The following ARID4B variants were observed in gnomAD, a reference collection of about 807,000 sequenced individuals.
ARID4B encodes AT-rich interactive domain-containing protein 4B.
A neutral mutation model predicts 147.5 loss-of-function variants in ARID4B; 26 were observed. The observed-to-expected ratio is 0.18, with a 90% confidence interval of 0.13 to 0.24. The LOEUF is 0.24. ARID4B is among the 10% of genes least tolerant of loss of function. The pLI, the probability that ARID4B is intolerant of heterozygous loss-of-function variation, is 1.00. For missense variants in ARID4B, 1,179 were observed against 1,511.5 expected (o/e 0.78, Z 3.65); for synonymous variants, 512 against 507.9 (o/e 1.01, Z -0.11).
intron 6 of ARID4B, among the ~76,000 whole-genome samples, chr1:235,251,639 ATAAGTAATATTAAAG>A (rs913421841): frequency 1.8e-4 from 27 of 151,756 alleles, no homozygotes; most frequent in South Asian, 4.2e-4. Flanking sequence ...ACACTACTAA[ATAAGTAATATTAAAG>A]TAATATTAAA....
chr1:235,264,200 T>A (rs1414296412), intron 2 of ARID4B, among the ~76,000 whole-genome samples: 2 of 152,188 alleles, frequency 1.3e-5, no homozygotes, highest in Non-Finnish European at 2.9e-5. Flanking sequence ...AGCACAATAA[T>A]TTGAATCTTA....
At chr1:235,304,358 AAAAAG>A (rs774939442) in intron 2 of ARID4B, among the ~76,000 whole-genome samples, 68 of 152,122 alleles carry the variant, frequency 4.5e-4, no homozygotes, top group Admixed American at 1.5e-3. Flanking sequence ...GAAAATAAAA[AAAAAG>A]AAAAGAAATG....
chr1:235,206,138 A>G (rs972464676), intron 17 of ARID4B, among the ~76,000 whole-genome samples: 2 of 152,240 alleles, frequency 1.3e-5, no homozygotes, highest in Non-Finnish European at 2.9e-5. Flanking sequence ...TTAGTTCAAC[A>G]TTCATTTAGT....
chr1:235,290,369 G>C (rs1203481815), intron 2 of ARID4B, among the ~76,000 whole-genome samples: 1 of 151,772 alleles, frequency 6.6e-6, no homozygotes, highest in South Asian at 2.1e-4. Context: ...CTTGAACCAG[G>C]GAGGCAGAGG....
chr1:235,171,879 C>T (rs766022887), intron 23 of ARID4B, among the ~76,000 whole-genome samples: 3 of 152,122 alleles, frequency 2.0e-5, no homozygotes, highest in Non-Finnish European at 2.9e-5. Flanking sequence ...TGACCTCAGG[C>T]AATCCACCCA....
intron 8 of ARID4B, among the ~76,000 whole-genome samples, chr1:235,235,855 G>A (rs555891834): frequency 5.3e-5 from 8 of 152,108 alleles, no homozygotes; most frequent in Non-Finnish European, 8.8e-5. Flanking sequence ...ATATTAATAA[G>A]CTCAGCACAG....
chr1:235,256,212 A>G (rs946015409), intron 4 of ARID4B, among the ~76,000 whole-genome samples: 2 of 151,068 alleles, frequency 1.3e-5, no homozygotes, highest in African/African-American at 4.9e-5. Context: ...TTTACCGATC[A>G]ATATTTTTGT....
At chr1:235,308,563 G>A (rs1022427126) in intron 2 of ARID4B, among the ~76,000 whole-genome samples, 3 of 151,248 alleles carry the variant, frequency 2.0e-5, no homozygotes, top group African/African-American at 7.3e-5. Context: ...TCAGCTCACT[G>A]CAACCTCCCT....
rs1326009421 is a variant in ARID4B at position 235,252,824 on chromosome 1, A to G, written c.275-15T>C. ...GTCATCAAAAACTATGAGAGGGGGTAAAAATGGAAGCTACTGAAGGATTTT... is the reference window on the plus strand; with the variant it reads ...GTCATCAAAAACTATGAGAGGGGGTGAAAATGGAAGCTACTGAAGGATTTT... On this transcript the variant is annotated splice_polypyrimidine_tract_variant and intron_variant, in intron 5 of 23. Coordinates refer to ENST00000264183, the MANE Select transcript of ARID4B (RefSeq NM_016374.6). 2 of 1,604,008 alleles carry G rather than the reference A, an allele frequency of 1.2e-6. No homozygotes were observed. Among genetic ancestry groups the G allele is most frequent in the African/African-American group, 2.7e-5 (2 of 74,466 alleles).
intron 2 of ARID4B, among the ~76,000 whole-genome samples, chr1:235,311,790 A>C (rs892888139): frequency 5.9e-5 from 9 of 151,816 alleles, no homozygotes; most frequent in African/African-American, 1.9e-4. Context: ...AAAAAACAAA[A>C]CAAACAAACA....
chr1:235,213,500 AAT>A (rs1666838562), intron 17 of ARID4B, among the ~76,000 whole-genome samples: 1 of 152,168 alleles, frequency 6.6e-6, no homozygotes, highest in Non-Finnish European at 1.5e-5. Flanking sequence ...TCATTTCAAC[AAT>A]GTTTTGTCTG....
intron 8 of ARID4B, among the ~76,000 whole-genome samples, chr1:235,239,877 A>C (rs1303947572): frequency 6.6e-6 from 1 of 152,196 alleles, no homozygotes; most frequent in South Asian, 2.1e-4. Context: ...GTAATGTATA[A>C]TTGCAGTCAT....
Position 235,213,964 on chromosome 1 carries a change from T to C in ARID4B, c.1646A>G (p.Glu549Gly), listed in dbSNP as rs779019865. 6.7e-7 allele frequency: 1 copy of C among 1,500,224 alleles called. No individual in the cohort carries two copies. The highest frequency in any genetic ancestry group is 9.1e-7 in the Non-Finnish European group (1 of 1,097,026). 92.9% of individuals were successfully genotyped at this position (1,500,224 alleles called of 1,614,324 possible). ...DEEAEEEEEE[E>G]EEEEDEDDDD... is the part of the protein sequence containing the mutation. ...ATCATCTTCATCCTCTTCTTCTTCT[T>C]CCTCCTCCTCCTCCTCTTCTGCTTC... The change falls in exon 17 of 24, where the codon GAA becomes GGA. Residue 549 changes from glutamate (E) to glycine (G), a missense_variant. Physicochemically the swap from Glu to Gly is moderately conservative, Grantham distance 98. This residue lies in a region of ARID4B where 204 missense variants were observed against 210.9 expected (regional missense o/e 0.97). Transcript: ENST00000264183.
At position 235,181,846 on chromosome 1, in the gene ARID4B, T is replaced by C. The variant is rs1423500297; in HGVS notation, c.3073A>G (p.Thr1025Ala). The C allele has an allele frequency of 6.2e-7, 1 of 1,614,014 alleles. No individual in the cohort carries two copies. Among genetic ancestry groups the C allele is most frequent in the Non-Finnish European group, 8.5e-7 (1 of 1,180,022 alleles). Residue 1025 changes from threonine to alanine, a missense_variant, in exon 20 of 24, where the codon ACT becomes GCT. Thr to Ala is a moderately conservative substitution (Grantham distance 58, BLOSUM62 0). Coordinates refer to ENST00000264183, the MANE Select transcript of ARID4B (RefSeq NM_016374.6). ...ACTGATGAAGGCGATTCAGGTGTAG[T>C]AGGAGGGGTATTTAGCACTGAATTA... ...GSNSVLNTPPTTPESPSSVTV... is the reference protein window; with the variant it reads ...GSNSVLNTPPATPESPSSVTV...
chr1:235,217,075 A>T (rs1486010361), intron 16 of ARID4B, among the ~76,000 whole-genome samples: 1 of 152,174 alleles, frequency 6.6e-6, no homozygotes, highest in African/African-American at 2.4e-5. Flanking sequence ...AGCCCAGGCA[A>T]ATTTTCATTC....
intron 6 of ARID4B, among the ~76,000 whole-genome samples, chr1:235,248,314 T>G (rs901700867): frequency 6.6e-6 from 1 of 152,186 alleles, no homozygotes; most frequent in African/African-American, 2.4e-5. Flanking sequence ...CCTCCCAAAC[T>G]GCTGGGATTA....
At chr1:235,270,066 A>G (rs1439471407) in intron 2 of ARID4B, among the ~76,000 whole-genome samples, 3 of 152,040 alleles carry the variant, frequency 2.0e-5, no homozygotes, top group Admixed American at 2.0e-4. Context: ...GACAGATCAC[A>G]AGGTCAGGAG....
At chr1:235,265,945 T>A (rs542346257) in intron 2 of ARID4B, among the ~76,000 whole-genome samples, 373 of 151,446 alleles carry the variant, frequency 2.5e-3, no homozygotes, top group African/African-American at 8.6e-3. Flanking sequence ...AATTGTTTTT[T>A]AAAAAAAAAT....
At chr1:235,302,986 C>T (rs1396858256) in intron 2 of ARID4B, among the ~76,000 whole-genome samples, 31 of 151,472 alleles carry the variant, frequency 2.0e-4, no homozygotes, top group African/African-American at 4.9e-5. Flanking sequence ...AGTGCAGTGG[C>T]GCGATCGGCT....
Sources: allele counts gnomAD v4.1 joint callset (sites outside exome capture counted in the v4.1 genomes callset), GRCh38; gene constraint gnomAD v4.1.1; regional missense constraint gnomAD v4.1.1; transcripts MANE v1.5; gene names NCBI Gene and HGNC (gene_info 2026-07-23, HGNC 2026-07-21).